FRY: variants seen among roughly 807,000 people sequenced by gnomAD.
The protein encoded by FRY is protein furry homolog.
In FRY, 128 loss-of-function variants were observed where a neutral mutation model predicts 348.4. The ratio of observed to expected loss-of-function variants is 0.37; its 90% CI spans 0.32 to 0.43. FRY has a LOEUF of 0.43. FRY is among the 20% of genes least tolerant of loss of function. FRY has a pLI of 1.00. For synonymous variants in FRY, 1,370 were observed against 1,374.7 expected (o/e 1.00, Z 0.08); for missense variants, 2,736 against 3,695.2 (o/e 0.74, Z 6.73).
At chr13:32,082,010 G>A (rs888214529) in intron 2 of FRY, among the ~76,000 whole-genome samples, 3 of 152,110 alleles carry the variant, frequency 2.0e-5, no homozygotes, top group African/African-American at 7.2e-5. Context: ...AATACGACTT[G>A]TATGGGGATG....
chr13:32,268,353 A>C (rs554275231), intron 55 of FRY, among the ~76,000 whole-genome samples: 24 of 152,100 alleles, frequency 1.6e-4, no homozygotes, highest in African/African-American at 5.8e-4. Context: ...TCTGAGCTTG[A>C]AGCAGATATT....
chr13:32,223,041 C>T (rs1203825170), intron 36 of FRY, among the ~76,000 whole-genome samples: 5 of 152,076 alleles, frequency 3.3e-5, no homozygotes, highest in African/African-American at 4.8e-5. Flanking sequence ...GCAACCTCCA[C>T]ATCCTGGGTT....
At chr13:32,166,197 C>G (rs1019158784) in intron 17 of FRY, among the ~76,000 whole-genome samples, 2 of 152,198 alleles carry the variant, frequency 1.3e-5, no homozygotes, top group African/African-American at 4.8e-5. Context: ...GCCTTAGTTC[C>G]CCAAGCTAGC....
intron 1 of FRY, among the ~76,000 whole-genome samples, chr13:32,036,498 A>G (rs368324205): frequency 2.6e-5 from 4 of 152,078 alleles, no homozygotes; most frequent in African/African-American, 9.7e-5. Flanking sequence ...ATTCAAATGC[A>G]TGAACAGTTC....
chr13:32,127,218 A>G (rs1371495807), intron 7 of FRY, among the ~76,000 whole-genome samples: 1 of 152,164 alleles, frequency 6.6e-6, no homozygotes, highest in African/African-American at 2.4e-5. Flanking sequence ...TATTATCTTT[A>G]TATGTTCATT....
At chr13:32,192,023 G>T (rs1352242755) in intron 28 of FRY, among the ~76,000 whole-genome samples, 1 of 152,142 alleles carries the variant, frequency 6.6e-6, no homozygotes, top group Non-Finnish European at 1.5e-5. Context: ...AGTGCTAGAA[G>T]TCAAGATAGT....
At chr13:32,154,995 A>C (rs753880793) in intron 14 of FRY, among the ~76,000 whole-genome samples, 71 of 152,188 alleles carry the variant, frequency 4.7e-4, no homozygotes, top group Middle Eastern at 3.2e-3. Flanking sequence ...ATTTCTTCTC[A>C]AACTTGCTGG....
In FRY at chr13:32,173,433, G is replaced by A. The variant is rs767370919; in HGVS notation, c.2218G>A (p.Ala740Thr). Residue 740 changes from alanine to threonine, a missense_variant, in exon 19 of 61, where the codon GCT (alanine) becomes ACT (threonine). This residue lies in a region of FRY where 449 missense variants were observed against 576.9 expected (regional missense o/e 0.78). Coordinates refer to ENST00000542859, the MANE Select transcript of FRY (RefSeq NM_023037.3). ...ERGPHCSVLH[A>T]VEGFALVLLC... ...AGGTCCCCACTGCAGTGTACTCCAC[G>A]CTGTAGAAGGTTTTGCTCTGGTTTT... 4.3e-6 allele frequency: 7 copies of A among 1,612,786 alleles called. No individual in the cohort carries two copies. The highest frequency in any genetic ancestry group is 3.3e-5 in the South Asian group (3 of 91,020).
In FRY at chr13:32,185,024, C is replaced by T; in HGVS notation, c.3195C>T (p.Phe1065=). Residue 1065 remains phenylalanine (F), a synonymous_variant, in exon 26 of 61, where the codon TTC becomes TTT. Transcript: ENST00000542859. ...ERDTLALGAL[F]LEYVDLTRML... is the part of the protein sequence containing the mutation. ...ATACTTTAGCCCTGGGAGCTTTGTTCTTAGAATATGTGGACTTGACCCGCA... is the reference window on the plus strand; with the variant it reads ...ATACTTTAGCCCTGGGAGCTTTGTTTTTAGAATATGTGGACTTGACCCGCA... 1 of 1,613,856 alleles carries T rather than the reference C, an allele frequency of 6.2e-7. No individual in the cohort carries two copies.
At chr13:32,252,230 T>C (rs959281711) in intron 50 of FRY, among the ~76,000 whole-genome samples, 2 of 152,124 alleles carry the variant, frequency 1.3e-5, no homozygotes, top group African/African-American at 4.8e-5. Context: ...TTTTTATAAA[T>C]ATGCCCAGAA....
Position 32,234,096 on chromosome 13 carries a change from G to A in FRY, c.5528-478G>A, listed in dbSNP as rs554255339. 2.5e-3 allele frequency among the ~76,000 whole-genome samples: 316 copies of A among 125,906 alleles called. 2 individuals are homozygous for A. Among genetic ancestry groups the A allele is most frequent in the Non-Finnish European group, 3.1e-3 (175 of 56,714 alleles). The allele number at this position is 125,906 out of a possible 152,430, so 82.6% of individuals were successfully genotyped here. On this transcript the variant is annotated intron_variant, in intron 41 of 60. Transcript: ENST00000542859. ...GCCCAGGAGTTCATGACCAGCCTGGGCAACAAAGAAAGACCCTGTTTCCAA... is the reference window on the plus strand; with the variant it reads ...GCCCAGGAGTTCATGACCAGCCTGGACAACAAAGAAAGACCCTGTTTCCAA...
chr13:32,224,698 A>C (rs1005815730), intron 37 of FRY, among the ~76,000 whole-genome samples: 15 of 152,182 alleles, frequency 9.9e-5, no homozygotes, highest in Non-Finnish European at 4.4e-5. Flanking sequence ...TTCATCCCTT[A>C]GCTCTTATTG....
chr13:32,234,119 C>CAAAAA (rs11322238), intron 41 of FRY, among the ~76,000 whole-genome samples: 2 of 76,190 alleles, frequency 2.6e-5, no homozygotes, highest in Non-Finnish European at 2.4e-5. Flanking sequence ...ACCCTGTTTC[C>CAAAAA]AAAAAAAAAA....
At chr13:32,200,942 A>G (rs139206105) in intron 29 of FRY, among the ~76,000 whole-genome samples, 1,933 of 151,680 alleles carry the variant, frequency 0.013, 16 homozygotes, top group Non-Finnish European at 0.02. Flanking sequence ...AATAGCTTCC[A>G]CTCTTGGCCC....
intron 59 of FRY, among the ~76,000 whole-genome samples, chr13:32,292,172 G>A (rs774276244): frequency 6.6e-6 from 1 of 151,946 alleles, no homozygotes; most frequent in South Asian, 2.1e-4. Context: ...TAGTGGAGAC[G>A]ATGTTTCACC....
chr13:32,294,022 A>G (rs1306134910), intron 59 of FRY, among the ~76,000 whole-genome samples: 1 of 152,156 alleles, frequency 6.6e-6, no homozygotes, highest in African/African-American at 2.4e-5. Context: ...TACACTGCAG[A>G]GCCGGCATTT....
intron 55 of FRY, among the ~76,000 whole-genome samples, chr13:32,274,443 C>T (rs577795976): frequency 2.0e-5 from 3 of 152,114 alleles, no homozygotes; most frequent in Non-Finnish European, 2.9e-5. Context: ...CGCAGTGGCT[C>T]ACACCTGTAA....
intron 58 of FRY, among the ~76,000 whole-genome samples, chr13:32,282,880 C>T (rs763532050): frequency 4.5e-4 from 69 of 152,224 alleles, no homozygotes; most frequent in African/African-American, 1.6e-3. Context: ...TGGTGGCTCA[C>T]GCCTGTAATC....
rs752788867 is a variant in FRY at position 32,224,919 on chromosome 13, A to G, written c.4917-14A>G. 9 of 1,465,944 alleles carry G rather than the reference A, an allele frequency of 6.1e-6. No individual in the cohort carries two copies. The highest frequency in any genetic ancestry group is 5.0e-5 in the Admixed American group (3 of 59,824). 90.8% of individuals were successfully genotyped at this position (1,465,944 alleles called of 1,614,324 possible). Reference sequence around the variant, plus strand: ...CTTCAGAAGTTGCATTAATTTCATTATTTCATTGATTAGGTGCAATATTGC... The same window carrying G: ...CTTCAGAAGTTGCATTAATTTCATTGTTTCATTGATTAGGTGCAATATTGC... On this transcript the variant is annotated splice_polypyrimidine_tract_variant and intron_variant, in intron 37 of 60. Coordinates refer to ENST00000542859, the MANE Select transcript of FRY (RefSeq NM_023037.3).
Sources: allele counts gnomAD v4.1 joint callset (sites outside exome capture counted in the v4.1 genomes callset), GRCh38; gene constraint gnomAD v4.1.1; regional missense constraint gnomAD v4.1.1; transcripts MANE v1.5; gene names NCBI Gene and HGNC (gene_info 2026-07-23, HGNC 2026-07-21).